Variants in SIRPG observed in about 807,000 individuals in gnomAD.
SIRPG encodes the protein signal regulatory protein gamma, also known as signal-regulatory protein gamma.
In SIRPG, 38 loss-of-function variants were observed where a neutral mutation model predicts 35.7. The ratio of observed to expected loss-of-function variants is 1.06; its 90% CI spans 0.82 to 1.40. The LOEUF (loss-of-function observed/expected upper bound fraction) is 1.40. Among genes scored for constraint, SIRPG ranks in the 40% most tolerant of loss-of-function variants. The pLI is 0.00. For missense variants in SIRPG, 519 were observed against 483.0 expected, an observed-to-expected ratio of 1.07 and a Z score of -0.70; for synonymous variants, 215 against 190.4, an observed-to-expected ratio of 1.13 and a Z score of -1.06.
At chr20:1,672,741 TTTGTTGTTGTTGTTG>T in the SIRPG span, among the ~76,000 whole-genome samples, 1 of 150,894 alleles carries the variant, frequency 6.6e-6, no homozygotes, top group African/African-American at 2.4e-5. Flanking sequence ...CGGCCAATCA[TTTGTTGTTGTTGTTG>T]TTGTTGTTAG....
chr20:1,637,529 C>T (rs1285750549), intron 2 of SIRPG: 1 of 155,980 alleles, frequency 6.4e-6, no homozygotes, highest in African/African-American at 2.4e-5. Flanking sequence ...TCAGGACTAC[C>T]ATGACTCAGG....
rs564588652 is a variant in SIRPG at position 1,650,061 on chromosome 20, T to TTA, written c.74-655_74-654dup. Among the ~76,000 whole-genome samples, 80 of 143,536 alleles carry TTA rather than the reference T, an allele frequency of 5.6e-4. 1 individual carries two copies. The highest frequency in any genetic ancestry group is 2.9e-3 in the South Asian group (13 of 4,556). 94.2% of individuals were successfully genotyped at this position (143,536 alleles called of 152,430 possible). On this transcript the variant is annotated intron_variant, in intron 1 of 5. Transcript: ENST00000303415. ...AGTGTCATATATATTTTTATATATT[T>TTA]TATATATATATATGTATTTAAAAAC...
At chr20:1,679,517 A>G in the SIRPG span, among the ~76,000 whole-genome samples, 3 of 151,860 alleles carry the variant, frequency 2.0e-5, no homozygotes, top group Non-Finnish European at 2.9e-5. Context: ...TGGGGTTCCA[A>G]TCTGTCTTGC....
the SIRPG span, among the ~76,000 whole-genome samples, chr20:1,664,373 C>T: frequency 6.6e-6 from 1 of 152,092 alleles, no homozygotes; most frequent in Non-Finnish European, 1.5e-5. Context: ...AATAGAGAAC[C>T]TCAACAAGGC....
chr20:1,630,135 G>A (rs2091737248), intron 5 of SIRPG, 87 bp downstream of exon 5: 1 of 1,035,292 alleles, frequency 9.7e-7, no homozygotes, highest in African/African-American at 1.6e-5. Flanking sequence ...ACGGACCCTG[G>A]TGCTGCATGG....
At chr20:1,637,175 A>G (rs1362678964) in intron 2 of SIRPG, 1 of 177,780 alleles carries the variant, frequency 5.6e-6, no homozygotes, top group African/African-American at 2.4e-5. Flanking sequence ...AATTTATTCC[A>G]TATTTTTCAT....
upstream of SIRPG, among the ~76,000 whole-genome samples, chr20:1,659,785 A>G (rs2122596135): frequency 6.6e-6 from 1 of 152,352 alleles, no homozygotes; most frequent in South Asian, 2.1e-4. Context: ...GGAAGAAAGC[A>G]GAGAAGAAGC....
intron 2 of SIRPG, among the ~76,000 whole-genome samples, chr20:1,645,393 T>C (rs917628908): frequency 6.6e-6 from 1 of 152,170 alleles, no homozygotes; most frequent in African/African-American, 2.4e-5. Context: ...AGGCGGATCC[T>C]GGGTCCAGGT....
At chr20:1,638,254 G>T (rs974637042) in intron 2 of SIRPG, among the ~76,000 whole-genome samples, 2 of 152,154 alleles carry the variant, frequency 1.3e-5, no homozygotes, top group African/African-American at 4.8e-5. Context: ...CTAGCAAAGG[G>T]CCAAAAGTGG....
the SIRPG span, among the ~76,000 whole-genome samples, chr20:1,673,878 G>A: frequency 1.8e-3 from 273 of 152,322 alleles, 1 homozygote; most frequent in African/African-American, 6.2e-3. Flanking sequence ...TTTCAGTGCT[G>A]TTTAAACACA....
intron 4 of SIRPG, among the ~76,000 whole-genome samples, chr20:1,635,015 T>C (rs6110697): frequency 0.73 from 110,306 of 150,988 alleles, 40,678 homozygotes; most frequent in South Asian, 0.85. Context: ...TGCACTCCAG[T>C]CTGGGCGACA....
the SIRPG span, among the ~76,000 whole-genome samples, chr20:1,667,834 A>C: frequency 6.6e-6 from 1 of 152,222 alleles, no homozygotes; most frequent in Non-Finnish European, 1.5e-5. Context: ...GTAAAGTCAA[A>C]ATGCACAGAG....
At chr20:1,642,357 T>C (rs1393033871) in intron 2 of SIRPG, among the ~76,000 whole-genome samples, 1 of 152,224 alleles carries the variant, frequency 6.6e-6, no homozygotes, top group African/African-American at 2.4e-5. Context: ...TTTGTTGGTT[T>C]AAAGTTTGTT....
the SIRPG span, among the ~76,000 whole-genome samples, chr20:1,677,943 C>T: frequency 6.6e-6 from 1 of 152,152 alleles, no homozygotes; most frequent in Non-Finnish European, 1.5e-5. Context: ...CACACACCCA[C>T]ATGCAGAGTA....
the SIRPG span, among the ~76,000 whole-genome samples, chr20:1,680,611 T>G: frequency 6.6e-6 from 1 of 152,176 alleles, no homozygotes; most frequent in Admixed American, 6.5e-5. Context: ...TAATACACCA[T>G]GAGCAGATAA....
At position 1,636,283 on chromosome 20, in the gene SIRPG, C is replaced by T. The variant is rs1274128865; in HGVS notation, c.653G>A (p.Trp218Ter). 6.2e-7 allele frequency: 1 copy of T among 1,614,228 alleles called. No individual in the cohort carries two copies. Among genetic ancestry groups the T allele is most frequent in the East Asian group, 2.2e-5 (1 of 44,872 alleles). The change falls in exon 3 of 6, where the codon TGG becomes TAG. Residue 218 changes from tryptophan to a stop codon, truncating the protein, a stop_gained. Transcript: ENST00000303415. LOFTEE classifies it high-confidence loss of function. ...RSTARVVLDP[W>*]DVRSQVICEV... ...GCAGATGACCTGAGAGCGAACGTCC[C>T]AGGGGTCCAGTACCACCCTGGCTGT...
At chr20:1,668,899 C>T in the SIRPG span, among the ~76,000 whole-genome samples, 1 of 152,142 alleles carries the variant, frequency 6.6e-6, no homozygotes, top group East Asian at 1.9e-4. Flanking sequence ...GTTTGTCCTT[C>T]ACTTCCTATC....
the SIRPG span, among the ~76,000 whole-genome samples, chr20:1,678,454 A>G: frequency 2.0e-5 from 3 of 151,940 alleles, no homozygotes; most frequent in Non-Finnish European, 4.4e-5. Context: ...TTCATTAAAG[A>G]GGTTCTCTAA....
chr20:1,643,327 A>G (rs182446056), intron 2 of SIRPG, among the ~76,000 whole-genome samples: 3 of 152,218 alleles, frequency 2.0e-5, no homozygotes, highest in Admixed American at 2.0e-4. Flanking sequence ...ATGGTCTTCA[A>G]ACTCTGATAT....
Sources: gnomAD v4.1 joint callset for allele counts (sites outside exome capture counted in the v4.1 genomes callset) on GRCh38, gnomAD v4.1.1 for gene constraint, MANE v1.5 for transcripts, NCBI Gene and HGNC (gene_info 2026-07-23, HGNC 2026-07-21) for gene names.